The following MLIP variants were observed in gnomAD, a reference collection of about 807,000 sequenced individuals.
MLIP encodes muscular LMNA interacting protein.
Under a neutral mutation model 84.8 loss-of-function variants are expected in MLIP, and 79 were observed. The ratio of observed to expected loss-of-function variants is 0.93; its 90% CI spans 0.78 to 1.12. MLIP has a LOEUF of 1.12. MLIP is among the 50% of genes most tolerant of loss of function. MLIP has a pLI of 0.00. For synonymous variants in MLIP, 504 were observed against 463.0 expected (o/e 1.09, Z -1.14); for missense variants, 1,257 against 1,160.6 (o/e 1.08, Z -1.21).
chr6:54,254,695 T>A (rs948830830), intron 12 of MLIP, among the ~76,000 whole-genome samples: 2 of 151,922 alleles, frequency 1.3e-5, no homozygotes, highest in East Asian at 3.9e-4. Context: ...GTCTATTGTA[T>A]TTTCTGAGAT....
intron 12 of MLIP, among the ~76,000 whole-genome samples, chr6:54,254,370 C>T (rs1156267781): frequency 1.3e-5 from 2 of 151,982 alleles, no homozygotes; most frequent in Non-Finnish European, 2.9e-5. Context: ...TGTGATCCAC[C>T]CGCCTAGGCC....
intron 9 of MLIP, among the ~76,000 whole-genome samples, chr6:54,179,796 T>G (rs1776666794): frequency 6.6e-6 from 1 of 152,156 alleles, no homozygotes; most frequent in Admixed American, 6.6e-5. Context: ...TTTTGACTGG[T>G]TCATCATTTA....
At chr6:54,182,361 C>G (rs1322692581) in intron 9 of MLIP, among the ~76,000 whole-genome samples, 1 of 152,176 alleles carries the variant, frequency 6.6e-6, no homozygotes, top group African/African-American at 2.4e-5. Flanking sequence ...CACAGACTCT[C>G]TGTGCTGCAT....
intron 5 of MLIP, among the ~76,000 whole-genome samples, chr6:54,155,175 C>A (rs989226632): frequency 6.6e-6 from 1 of 152,062 alleles, no homozygotes; most frequent in Non-Finnish European, 1.5e-5. Context: ...ACTTTATATA[C>A]CTGCAAGCTC....
intron 13 of MLIP, among the ~76,000 whole-genome samples, chr6:54,262,911 G>C (rs1047888007): frequency 1.3e-5 from 2 of 152,062 alleles, no homozygotes; most frequent in Non-Finnish European, 2.9e-5. Context: ...AAATCAGAGA[G>C]AGTCTGGTTC....
chr6:54,193,314 A>T (rs1582462134), intron 10 of MLIP, among the ~76,000 whole-genome samples: 1 of 152,182 alleles, frequency 6.6e-6, no homozygotes, highest in Non-Finnish European at 1.5e-5. Flanking sequence ...GCCTGAAGGG[A>T]TTATTGTGAG....
chr6:54,133,992 A>C (rs982274002), intron 3 of MLIP, among the ~76,000 whole-genome samples: 1 of 151,900 alleles, frequency 6.6e-6, no homozygotes, highest in African/African-American at 2.4e-5. Context: ...GGTAAGAAAT[A>C]AATGGTAAAG....
chr6:54,162,675 C>T (rs937990164), intron 8 of MLIP, among the ~76,000 whole-genome samples: 2 of 151,840 alleles, frequency 1.3e-5, no homozygotes, highest in Non-Finnish European at 2.9e-5. Flanking sequence ...CTGCAGGTCT[C>T]TGTTTTGAGG....
At chr6:54,139,738 T>C (rs933106690) in intron 4 of MLIP, among the ~76,000 whole-genome samples, 3 of 152,308 alleles carry the variant, frequency 2.0e-5, no homozygotes, top group Middle Eastern at 3.4e-3. Context: ...GTTTCGGAGC[T>C]GACATTTATG....
rs551153308 is a variant in MLIP, at chr6:54,153,479, T to C, written c.2289+4352T>C. On this transcript the variant is annotated intron_variant, in intron 5 of 13. Transcript: ENST00000502396. ...ACCACACCCAGCTAAGTTGCCTATT[T>C]AATTTTTTAAAGCATGAGTTGCTAA... Among the ~76,000 whole-genome samples the C allele has an allele frequency of 2.0e-5, 3 of 152,260 alleles. No individual in the cohort carries two copies. In the South Asian group the frequency reaches 6.2e-4, roughly 32 times the overall value.
At chr6:54,264,050 A>C (rs778502281) in intron 13 of MLIP, among the ~76,000 whole-genome samples, 10 of 152,010 alleles carry the variant, frequency 6.6e-5, no homozygotes, top group Non-Finnish European at 1.5e-4. Context: ...GCATAGTACA[A>C]CTTTTCCAAC....
intron 8 of MLIP, among the ~76,000 whole-genome samples, chr6:54,161,732 A>AT (rs1774660918): frequency 6.6e-6 from 1 of 151,970 alleles, no homozygotes; most frequent in Non-Finnish European, 1.5e-5. Context: ...ATTAGTAATG[A>AT]CATATAAAAC....
chr6:54,234,041 GTTGT>G (rs1374907832), intron 12 of MLIP, among the ~76,000 whole-genome samples: 5 of 152,198 alleles, frequency 3.3e-5, no homozygotes, highest in Admixed American at 1.3e-4. Flanking sequence ...TTTTGATGGG[GTTGT>G]TTGTTTTTTT....
chr6:54,023,003 T>C (rs1280606578), intron 1 of MLIP, among the ~76,000 whole-genome samples: 1 of 151,670 alleles, frequency 6.6e-6, no homozygotes, highest in African/African-American at 2.4e-5. Context: ...CCATCTCTAC[T>C]AAAAATACAA....
At chr6:54,126,998 C>T (rs1770975124) in intron 3 of MLIP, among the ~76,000 whole-genome samples, 1 of 152,008 alleles carries the variant, frequency 6.6e-6, no homozygotes, top group Non-Finnish European at 1.5e-5. Flanking sequence ...TTCAGCTCTC[C>T]TGAACAATCA....
At chr6:54,041,630 G>A (rs1314444515) in intron 1 of MLIP, among the ~76,000 whole-genome samples, 7 of 152,160 alleles carry the variant, frequency 4.6e-5, no homozygotes, top group South Asian at 2.1e-4. Flanking sequence ...TAATAGGCAC[G>A]TGCTGGCATC....
rs9474738 is a variant in MLIP, at chr6:54,117,089, T to G, written c.97-4358T>G. On this transcript the variant is annotated intron_variant, in intron 1 of 13. Coordinates refer to ENST00000502396, the MANE Select transcript of MLIP (RefSeq NM_001281747.2). The stretch of plus-strand genomic sequence containing the variant: ...CTCAACAAATTAGGTATAGACAGAA[T>G]GTACCTCAACATGATAAAGGCCCTA... Among the ~76,000 whole-genome samples the G allele has an allele frequency of 8.8e-3, 1,332 of 152,124 alleles. 23 individuals carry two copies. The highest frequency in any genetic ancestry group is 0.031 in the African/African-American group (1,284 of 41,498).
intron 11 of MLIP, chr6:54,216,152 T>C: frequency 1.0e-6 from 1 of 985,236 alleles, no homozygotes; most frequent in Non-Finnish European, 1.2e-6. Context: ...ATCAAAGGGC[T>C]CTAAAGACTT....
At chr6:54,212,314 T>G (rs1267386012) in intron 11 of MLIP, among the ~76,000 whole-genome samples, 5 of 152,202 alleles carry the variant, frequency 3.3e-5, no homozygotes, top group Admixed American at 1.3e-4. Context: ...TGGAGTACAA[T>G]GCACTATTGA....
Sources: allele counts gnomAD v4.1 joint callset (sites outside exome capture counted in the v4.1 genomes callset), GRCh38; gene constraint gnomAD v4.1.1; transcripts MANE v1.5; gene names NCBI Gene and HGNC (gene_info 2026-07-23, HGNC 2026-07-21).